ZBTB20: variants seen among roughly 807,000 people sequenced by gnomAD.
ZBTB20 encodes the protein zinc finger and BTB domain-containing protein 20.
In ZBTB20, 9 loss-of-function variants were observed where a neutral mutation model predicts 56.9. That is an observed-to-expected ratio of 0.16 (90% CI 0.10 to 0.28). The LOEUF is 0.28. ZBTB20 is among the 10% of genes least tolerant of loss of function. The probability of loss-of-function intolerance (pLI) is 1.00; values close to 1 mark genes in which losing one functional copy is unlikely to be tolerated. For synonymous variants in ZBTB20, 417 were observed against 420.7 expected, an observed-to-expected ratio of 0.99 and a Z score of 0.11; for missense variants, 655 against 1,003.0, an observed-to-expected ratio of 0.65 and a Z score of 4.69.
chr3:114,764,725 AT>A (rs1271170202), intron 5 of ZBTB20, among the ~76,000 whole-genome samples: 4 of 152,160 alleles, frequency 2.6e-5, no homozygotes, highest in Admixed American at 6.6e-5. Context: ...TATGAGATAT[AT>A]TTCTTTAGTT....
chr3:114,460,164 A>G (rs905808372), intron 7 of ZBTB20, among the ~76,000 whole-genome samples: 3 of 152,130 alleles, frequency 2.0e-5, no homozygotes, highest in Non-Finnish European at 4.4e-5. Context: ...TCTTGACTCC[A>G]GATCCCCTCT....
chr3:115,090,569 G>T (rs963871083), intron 1 of ZBTB20, among the ~76,000 whole-genome samples: 1 of 151,762 alleles, frequency 6.6e-6, no homozygotes, highest in Non-Finnish European at 1.5e-5. Flanking sequence ...GCACAGAAAA[G>T]TATATCACCT....
At chr3:114,341,707 T>C (rs1285727109) in intron 11 of ZBTB20, among the ~76,000 whole-genome samples, 1 of 152,262 alleles carries the variant, frequency 6.6e-6, no homozygotes, top group African/African-American at 2.4e-5. Context: ...GGTTCTACCA[T>C]TAATTATCCA....
chr3:115,006,335 C>T (rs976919633), intron 2 of ZBTB20, among the ~76,000 whole-genome samples: 2 of 151,650 alleles, frequency 1.3e-5, no homozygotes, highest in African/African-American at 4.8e-5. Context: ...TTATTTACTA[C>T]CCTCATATAG....
intron 2 of ZBTB20, among the ~76,000 whole-genome samples, chr3:115,021,907 C>T (rs749811831): frequency 9.2e-4 from 138 of 150,710 alleles, no homozygotes; most frequent in Non-Finnish European, 1.7e-3. Context: ...TTGAAAGTGG[C>T]TATTCCAGGT....
chr3:114,573,624 C>A (rs1291769427), intron 6 of ZBTB20, among the ~76,000 whole-genome samples: 1 of 151,418 alleles, frequency 6.6e-6, no homozygotes, highest in Non-Finnish European at 1.5e-5. Context: ...AAATGAGGTT[C>A]TGGAACATCG....
At chr3:114,897,685 A>G (rs1036771976) in intron 4 of ZBTB20, among the ~76,000 whole-genome samples, 4 of 152,202 alleles carry the variant, frequency 2.6e-5, no homozygotes, top group Non-Finnish European at 5.9e-5. Context: ...AATCTACCAC[A>G]CTAAGATTCA....
intron 3 of ZBTB20, among the ~76,000 whole-genome samples, chr3:114,928,860 C>A (rs966323927): frequency 6.6e-6 from 1 of 152,110 alleles, no homozygotes; most frequent in Non-Finnish European, 1.5e-5. Context: ...CACTTAGAAA[C>A]AAAGAAATAA....
chr3:114,991,326 A>G (rs1033086089), intron 2 of ZBTB20, among the ~76,000 whole-genome samples: 2 of 152,080 alleles, frequency 1.3e-5, no homozygotes, highest in African/African-American at 4.8e-5. Context: ...CATTGGTTTC[A>G]AAGAACATCT....
chr3:115,075,751 T>C (rs2082572741), intron 1 of ZBTB20, among the ~76,000 whole-genome samples: 1 of 152,148 alleles, frequency 6.6e-6, no homozygotes, highest in African/African-American at 2.4e-5. Flanking sequence ...GGCACTTCTA[T>C]TCTACATAGT....
chr3:114,638,667 G>A (rs888645008), intron 6 of ZBTB20, among the ~76,000 whole-genome samples: 1 of 151,810 alleles, frequency 6.6e-6, no homozygotes, highest in Non-Finnish European at 1.5e-5. Flanking sequence ...AAAGGAAGGG[G>A]GGAATTTGGA....
At chr3:114,584,471 T>C (rs2054970227) in intron 6 of ZBTB20, among the ~76,000 whole-genome samples, 2 of 152,028 alleles carry the variant, frequency 1.3e-5, no homozygotes, top group Non-Finnish European at 2.9e-5. Flanking sequence ...AAACTTTAAA[T>C]GCTGCCTCAA....
intron 2 of ZBTB20, among the ~76,000 whole-genome samples, chr3:115,030,344 T>C (rs1422996721): frequency 2.0e-5 from 3 of 151,126 alleles, no homozygotes; most frequent in African/African-American, 7.3e-5. Context: ...GTGCCCTTCC[T>C]TTGTTTGCCC....
chr3:114,802,086 T>C (rs2071763509), intron 4 of ZBTB20, among the ~76,000 whole-genome samples: 1 of 151,892 alleles, frequency 6.6e-6, no homozygotes, highest in Non-Finnish European at 1.5e-5. Context: ...TCATCCTTAC[T>C]TTTAGCTTTG....
At position 114,337,306 on chromosome 3, in the gene ZBTB20, A is replaced by T; in HGVS notation, c.*1699T>A. 1 of 152,208 alleles carries T rather than the reference A, an allele frequency of 6.6e-6. No individual in the cohort carries two copies. The highest frequency in any genetic ancestry group is 1.5e-5 in the Non-Finnish European group (1 of 68,028). 9.4% of individuals were successfully genotyped at this position (152,208 alleles called of 1,614,324 possible). A position where few individuals can be genotyped will look rare whatever the true frequency, so the allele number is the denominator to read the frequency against. Reference sequence around the variant, plus strand: ...ATAATGATGCTCTTTGTAGTTGGGAAGGGTGAGGAGCTATGGCAGAGTTTT... The same window carrying T: ...ATAATGATGCTCTTTGTAGTTGGGATGGGTGAGGAGCTATGGCAGAGTTTT... On this transcript the variant is annotated 3_prime_UTR_variant, in exon 12 of 12. Coordinates refer to ENST00000675478, the MANE Select transcript of ZBTB20 (RefSeq NM_001348800.3).
At chr3:115,066,012 A>G (rs1165524059) in intron 2 of ZBTB20, among the ~76,000 whole-genome samples, 1 of 152,160 alleles carries the variant, frequency 6.6e-6, no homozygotes, top group Admixed American at 6.5e-5. Context: ...TTGACTCTGG[A>G]CATCCTGTTT....
At chr3:114,664,628 C>T (rs116319741) in intron 6 of ZBTB20, among the ~76,000 whole-genome samples, 6,829 of 151,522 alleles carry the variant, frequency 0.045, 194 homozygotes, top group Non-Finnish European at 0.067. Context: ...CACACACACA[C>T]GTACTAGCCT....
At chr3:114,532,821 C>A (rs1356661691) in intron 6 of ZBTB20, among the ~76,000 whole-genome samples, 2 of 152,162 alleles carry the variant, frequency 1.3e-5, no homozygotes, top group African/African-American at 4.8e-5. Flanking sequence ...TGTTCTGTAG[C>A]CTCTGCTGGT....
At chr3:114,929,766 T>G (rs1420554867) in intron 3 of ZBTB20, among the ~76,000 whole-genome samples, 1 of 152,238 alleles carries the variant, frequency 6.6e-6, no homozygotes, top group Non-Finnish European at 1.5e-5. Flanking sequence ...TGGTCTTCAT[T>G]TTGTTTTGAA....
Sources: gnomAD v4.1 joint callset for allele counts (sites outside exome capture counted in the v4.1 genomes callset) on GRCh38, gnomAD v4.1.1 for gene constraint, MANE v1.5 for transcripts, NCBI Gene and HGNC (gene_info 2026-07-23, HGNC 2026-07-21) for gene names.